Variants in TRAPPC11 observed in about 807,000 individuals in gnomAD.
TRAPPC11 encodes trafficking protein particle complex subunit 11.
TRAPPC11 carries 104 observed loss-of-function variants against 151.2 expected under a neutral mutation model. That is an observed-to-expected ratio of 0.69 (90% CI 0.59 to 0.81). The LOEUF (loss-of-function observed/expected upper bound fraction) is 0.81. TRAPPC11 is among the 30% of genes least tolerant of loss of function. The pLI is 0.00. For missense variants in TRAPPC11, 1,230 were observed against 1,349.6 expected, an observed-to-expected ratio of 0.91 and a Z score of 1.39; for synonymous variants, 456 against 472.3, an observed-to-expected ratio of 0.97 and a Z score of 0.45.
intron 1 of TRAPPC11, among the ~76,000 whole-genome samples, chr4:183,660,860 C>T (rs1198660062): frequency 2.6e-5 from 4 of 152,030 alleles, no homozygotes; most frequent in Non-Finnish European, 5.9e-5. Context: ...ACTATAGGCA[C>T]GCATCACCAT....
chr4:183,681,798 A>G (rs1354448652), intron 10 of TRAPPC11, among the ~76,000 whole-genome samples: 1 of 152,078 alleles, frequency 6.6e-6, no homozygotes, highest in African/African-American at 2.4e-5. Context: ...GTAAAATAAA[A>G]TTTCCATCAA....
intron 26 of TRAPPC11, among the ~76,000 whole-genome samples, chr4:183,702,343 A>T (rs1159094765): frequency 1.6e-5 from 2 of 122,458 alleles, no homozygotes; most frequent in Admixed American, 7.5e-5. Flanking sequence ...GACCCTGTTT[A>T]AAAAAAAAAA....
chr4:183,682,863 CA>C, intron 11 of TRAPPC11, 38 bp downstream of exon 11: 1 of 1,326,988 alleles, frequency 7.5e-7, no homozygotes, highest in Non-Finnish European at 1.1e-6. Flanking sequence ...CTCTCAACCT[CA>C]AAAGGCAACA....
In TRAPPC11 at chr4:183,677,940, CTTT is replaced by C. The variant is rs199638936; in HGVS notation, c.831+401_831+403del. On this transcript the variant is annotated intron_variant, in intron 8 of 29. Coordinates refer to ENST00000334690, the MANE Select transcript of TRAPPC11 (RefSeq NM_021942.6). Reference sequence around the variant, plus strand: ...AAGTGTCTATTCACCTTAGAGGAAACTTTTTTTTTTTTTTTTTGAGACGGAGTT... The same window carrying C: ...AAGTGTCTATTCACCTTAGAGGAAACTTTTTTTTTTTTTTGAGACGGAGTT... 9.6e-3 allele frequency among the ~76,000 whole-genome samples: 1,353 copies of C among 140,342 alleles called. 24 individuals carry two copies. The highest frequency in any genetic ancestry group is 0.032 in the African/African-American group (1,227 of 38,088). 92.1% of individuals were successfully genotyped at this position (140,342 alleles called of 152,430 possible). A position where few individuals can be genotyped will look rare whatever the true frequency, so the allele number is the denominator to read the frequency against.
At chr4:183,679,227 A>G in intron 8 of TRAPPC11, 126 bp from the exon 9 acceptor site, 3 of 919,326 alleles carry the variant, frequency 3.3e-6, no homozygotes, top group East Asian at 2.9e-5. Flanking sequence ...ATTGTATTGC[A>G]AAGAGCTTCA....
chr4:183,697,720 G>T lies in TRAPPC11; in HGVS notation c.2736G>T (p.Leu912=). ...LERVYADIPF[L]LMTDLLSASP... The stretch of plus-strand genomic sequence containing the variant: ...GGGTTTATGCTGACATCCCCTTTCT[G>T]TTGATGACGGACCTCTTAAGTGCCT... The change falls in exon 25 of 30, where the codon CTG becomes CTT. Residue 912 remains leucine (L), a synonymous_variant. Transcript: ENST00000334690. The T allele has an allele frequency of 6.2e-7, 1 of 1,614,156 alleles. No homozygotes were observed. The highest frequency in any genetic ancestry group is 8.5e-7 in the Non-Finnish European group (1 of 1,180,028).
chr4:183,668,588 G>T (rs1405903995), intron 5 of TRAPPC11, among the ~76,000 whole-genome samples: 2 of 152,068 alleles, frequency 1.3e-5, no homozygotes, highest in East Asian at 3.8e-4. Flanking sequence ...TTTTTTGTGA[G>T]AGTGTCTCCA....
At chr4:183,665,076 A>G (rs996848078) in intron 2 of TRAPPC11, among the ~76,000 whole-genome samples, 1 of 116,266 alleles carries the variant, frequency 8.6e-6, no homozygotes, top group Non-Finnish European at 1.8e-5. Flanking sequence ...TCACACGATT[A>G]TTTTTCTTTT....
chr4:183,675,312 C>T, intron 7 of TRAPPC11, 75 bp downstream of exon 7: 1 of 891,544 alleles, frequency 1.1e-6, no homozygotes, highest in Admixed American at 3.0e-5. Context: ...TTCTGAATCT[C>T]AGCCAAAGTA....
At chr4:183,709,479 T>C (rs1258104482) in intron 29 of TRAPPC11, among the ~76,000 whole-genome samples, 1 of 152,108 alleles carries the variant, frequency 6.6e-6, no homozygotes, top group Non-Finnish European at 1.5e-5. Flanking sequence ...CACCATACTT[T>C]TAAATTGTAA....
chr4:183,693,799 T>A, intron 21 of TRAPPC11, 62 bp downstream of exon 21: 2 of 1,600,760 alleles, frequency 1.2e-6, no homozygotes, highest in Non-Finnish European at 1.7e-6. Flanking sequence ...GCATCAGTGA[T>A]GTCAACTCTA....
Position 183,684,757 on chromosome 4 carries a change from G to A in TRAPPC11, c.1483G>A (p.Val495Ile), listed in dbSNP as rs1735878097. Reference protein sequence around the residue: ...SEGWWTLLTSVLTTALKCSYL... With the variant: ...SEGWWTLLTSILTTALKCSYL... ...AGGATGGTGGACTCTGCTCACTTCT[G>A]TATTAACTACAGCTCTGAAGTGCTC... Residue 495 changes from valine to isoleucine, a missense_variant, in exon 15 of 30, where the codon GTA becomes ATA. By Grantham distance (29) the Val-to-Ile change is conservative (BLOSUM62 3). Coordinates refer to ENST00000334690, the MANE Select transcript of TRAPPC11 (RefSeq NM_021942.6). 6.2e-7 allele frequency: 1 copy of A among 1,613,902 alleles called. No homozygotes were observed. Among genetic ancestry groups the A allele is most frequent in the Non-Finnish European group, 8.5e-7 (1 of 1,179,856 alleles).
chr4:183,671,118 G>A (rs1043279797), intron 5 of TRAPPC11, among the ~76,000 whole-genome samples: 4 of 152,074 alleles, frequency 2.6e-5, no homozygotes, highest in African/African-American at 9.7e-5. Flanking sequence ...CGCCCACCTC[G>A]GCCTCCCATA....
intron 7 of TRAPPC11, 151 bp downstream of exon 7, chr4:183,675,388 A>C: frequency 2.4e-6 from 1 of 410,980 alleles, no homozygotes; most frequent in Non-Finnish European, 4.3e-6. Context: ...ATGGAGTATA[A>C]TATTTTAGGA....
chr4:183,700,034 G>A (rs1415857497), intron 25 of TRAPPC11, among the ~76,000 whole-genome samples: 1 of 151,940 alleles, frequency 6.6e-6, no homozygotes, highest in Non-Finnish European at 1.5e-5. Flanking sequence ...CCGTGGTCTC[G>A]ATCTCCTGAC....
chr4:183,689,111 A>G (rs1034634772), intron 18 of TRAPPC11, among the ~76,000 whole-genome samples: 2 of 152,170 alleles, frequency 1.3e-5, no homozygotes, highest in Non-Finnish European at 2.9e-5. Flanking sequence ...TTCTAGTAGC[A>G]AAATAGAAAT....
rs1162483883 is a variant in TRAPPC11, at chr4:183,693,157, C to T, written c.2237+10C>T. ...TTCAGGCAAGCACAATGTAAGTCTG[C>T]TTTGCTAAGCTGATATTAAAGGTCA... On this transcript the variant is annotated intron_variant, in intron 20 of 29. Coordinates refer to ENST00000334690, the MANE Select transcript of TRAPPC11 (RefSeq NM_021942.6). 1 of 1,565,956 alleles carries T rather than the reference C, an allele frequency of 6.4e-7. No homozygotes were observed. Among genetic ancestry groups the T allele is most frequent in the East Asian group, 2.3e-5 (1 of 44,062 alleles).
intron 1 of TRAPPC11, among the ~76,000 whole-genome samples, chr4:183,662,760 C>A (rs1168318033): frequency 6.6e-6 from 1 of 151,906 alleles, no homozygotes; most frequent in East Asian, 1.9e-4. Context: ...TTATATTTTT[C>A]TTTCAATATA....
intron 1 of TRAPPC11, among the ~76,000 whole-genome samples, chr4:183,661,779 T>TG (rs956542165): frequency 4.9e-5 from 7 of 142,258 alleles, no homozygotes; most frequent in Admixed American, 6.9e-5. Flanking sequence ...TTTTTTTTTT[T>TG]GTGGCACAAT....
Sources: gnomAD v4.1 joint callset for allele counts (sites outside exome capture counted in the v4.1 genomes callset) on GRCh38, gnomAD v4.1.1 for gene constraint, MANE v1.5 for transcripts, NCBI Gene and HGNC (gene_info 2026-07-23, HGNC 2026-07-21) for gene names.